NCAM2: variants seen among roughly 807,000 people sequenced by gnomAD.
The protein encoded by NCAM2 is neural cell adhesion molecule 2.
A neutral mutation model predicts 98.1 loss-of-function variants in NCAM2; 30 were observed. The ratio of observed to expected loss-of-function variants is 0.31; its 90% CI spans 0.23 to 0.41. NCAM2 has a LOEUF of 0.41. Among genes scored for constraint, NCAM2 ranks in the 10% least tolerant of loss-of-function variants. The pLI, the probability that NCAM2 is intolerant of heterozygous loss-of-function variation, is 1.00. For missense variants in NCAM2, 867 were observed against 1,005.8 expected, an observed-to-expected ratio of 0.86 and a Z score of 1.87; for synonymous variants, 368 against 342.4, an observed-to-expected ratio of 1.07 and a Z score of -0.83.
In NCAM2 at chr21:21,061,850, A is replaced by G. The variant is rs2065329867; in HGVS notation, c.55+63232A>G. ...TTTTAAAAATTATGTATTCACTTAC[A>G]GTGTTGTGATTTTCAATCACCATAA... On this transcript the variant is annotated intron_variant, in intron 1 of 17. Transcript: ENST00000400546. Among the ~76,000 whole-genome samples, 2 of 152,290 alleles carry G rather than the reference A, an allele frequency of 1.3e-5. 1 individual carries two copies.
intron 2 of NCAM2, among the ~76,000 whole-genome samples, chr21:21,281,292 A>G (rs1001496819): frequency 6.6e-6 from 1 of 152,212 alleles, no homozygotes; most frequent in Non-Finnish European, 1.5e-5. Context: ...ATTAGGATGA[A>G]TATAAAGATT....
intron 16 of NCAM2, among the ~76,000 whole-genome samples, chr21:21,519,010 A>C (rs1410523228): frequency 6.6e-6 from 1 of 152,146 alleles, no homozygotes; most frequent in African/African-American, 2.4e-5. Context: ...ACAACAATCA[A>C]GGGACAGAAC....
At chr21:21,140,246 C>T (rs1252438985) in intron 1 of NCAM2, among the ~76,000 whole-genome samples, 3 of 152,068 alleles carry the variant, frequency 2.0e-5, no homozygotes, top group Non-Finnish European at 2.9e-5. Flanking sequence ...AAATAAGTGA[C>T]ACTGGAAATT....
intron 1 of NCAM2, among the ~76,000 whole-genome samples, chr21:21,203,603 A>G (rs1190423073): frequency 1.3e-5 from 2 of 152,170 alleles, no homozygotes; most frequent in Non-Finnish European, 2.9e-5. Context: ...CACAGAATCT[A>G]TTGCATTTCC....
chr21:21,206,503 T>A (rs1330380574), intron 1 of NCAM2, among the ~76,000 whole-genome samples: 1 of 152,154 alleles, frequency 6.6e-6, no homozygotes, highest in African/African-American at 2.4e-5. Flanking sequence ...TGTTGAAATA[T>A]CATATAGTCT....
At chr21:21,473,373 A>AATATATAT (rs57318222) in intron 14 of NCAM2, among the ~76,000 whole-genome samples, 10,379 of 140,306 alleles carry the variant, frequency 0.074, 438 homozygotes, top group Middle Eastern at 0.12. Context: ...TATATGTATA[A>AATATATAT]ATATATATAT....
chr21:21,491,818 A>G (rs1450146888), intron 15 of NCAM2, among the ~76,000 whole-genome samples: 1 of 151,514 alleles, frequency 6.6e-6, no homozygotes, highest in African/African-American at 2.4e-5. Flanking sequence ...CAAAATGAAA[A>G]TTTTAATGCA....
chr21:21,496,169 T>G (rs551767811), intron 15 of NCAM2, among the ~76,000 whole-genome samples: 2 of 151,942 alleles, frequency 1.3e-5, no homozygotes, highest in Non-Finnish European at 2.9e-5. Context: ...TAGTTCTGTT[T>G]TAAGTTATTT....
chr21:21,181,821 ATTAAT>A (rs1213780314), intron 1 of NCAM2, among the ~76,000 whole-genome samples: 2 of 151,960 alleles, frequency 1.3e-5, no homozygotes, highest in African/African-American at 2.4e-5. Flanking sequence ...CAGATCTTGT[ATTAAT>A]TTATCAGTCT....
At chr21:21,526,477 G>A in intron 16 of NCAM2, among the ~76,000 whole-genome samples, 1 of 152,026 alleles carries the variant, frequency 6.6e-6, no homozygotes, top group East Asian at 1.9e-4. Context: ...GAAAATAAAA[G>A]AAGAATGAAA....
chr21:21,342,217 A>G (rs930746285), intron 8 of NCAM2, among the ~76,000 whole-genome samples: 1 of 152,208 alleles, frequency 6.6e-6, no homozygotes, highest in Admixed American at 6.6e-5. Context: ...GTCTGGTATT[A>G]TTACTGCATA....
intron 7 of NCAM2, among the ~76,000 whole-genome samples, chr21:21,336,660 C>T (rs1242642743): frequency 1.3e-5 from 2 of 152,166 alleles, no homozygotes; most frequent in African/African-American, 2.4e-5. Context: ...GACACGCCCT[C>T]TGCAGACTGG....
Position 21,357,023 on chromosome 21 carries a change from A to AAATAAATAAATG in NCAM2, c.1045-16837_1045-16836insAAATAAATGAAT, listed in dbSNP as rs548233793. Among the ~76,000 whole-genome samples the AAATAAATAAATG allele has an allele frequency of 8.7e-3, 1,269 of 146,694 alleles. 24 individuals are homozygous for AAATAAATAAATG. The highest frequency in any genetic ancestry group is 0.03 in the African/African-American group (1,212 of 40,490). On this transcript the variant is annotated intron_variant, in intron 8 of 17. Transcript: ENST00000400546. ...TAAATAAATAAATAAATAAATAAAT[A>AAATAAATAAATG]AATGTTTCTTGCTTCATGGTCCATG... is the stretch of plus-strand genomic sequence containing the variant.
Position 21,027,321 on chromosome 21 carries a change from G to C in NCAM2, c.55+28703G>C, listed in dbSNP as rs764206613. Among the ~76,000 whole-genome samples, 4 of 152,274 alleles carry C rather than the reference G, an allele frequency of 2.6e-5. No homozygotes were observed. In the East Asian group the frequency reaches 7.7e-4, roughly 29 times the overall value. On this transcript the variant is annotated intron_variant, in intron 1 of 17. Transcript: ENST00000400546. The stretch of plus-strand genomic sequence containing the variant: ...ATTTATTTTAAAACATCTTTGGAGA[G>C]TCAACTGTTTACCAGTCATTATGGT...
chr21:21,082,687 G>T (rs1392535238), intron 1 of NCAM2, among the ~76,000 whole-genome samples: 1 of 152,102 alleles, frequency 6.6e-6, no homozygotes, highest in Non-Finnish European at 1.5e-5. Flanking sequence ...CCAACTGAAG[G>T]TTTTACTGGG....
chr21:21,022,849 C>T (rs2064465209), intron 1 of NCAM2, among the ~76,000 whole-genome samples: 1 of 151,974 alleles, frequency 6.6e-6, no homozygotes, highest in African/African-American at 2.4e-5. Flanking sequence ...TTGTCATAGA[C>T]ATGTAGATCT....
At chr21:21,100,713 A>AAT (rs2066224248) in intron 1 of NCAM2, among the ~76,000 whole-genome samples, 1 of 151,962 alleles carries the variant, frequency 6.6e-6, no homozygotes, top group Non-Finnish European at 1.5e-5. Flanking sequence ...ATTGTGCTTA[A>AAT]ACTGCCCTTT....
At chr21:21,451,986 C>A (rs1230273332) in intron 12 of NCAM2, among the ~76,000 whole-genome samples, 1 of 152,130 alleles carries the variant, frequency 6.6e-6, no homozygotes, top group Non-Finnish European at 1.5e-5. Flanking sequence ...ACAAATGATT[C>A]TCACTTAATT....
At chr21:21,399,699 G>A (rs1328348619) in intron 9 of NCAM2, among the ~76,000 whole-genome samples, 1 of 152,054 alleles carries the variant, frequency 6.6e-6, no homozygotes, top group Admixed American at 6.6e-5. Context: ...TGGAAATTCA[G>A]GTCAAAGACT....
Sources: allele counts gnomAD v4.1 joint callset (sites outside exome capture counted in the v4.1 genomes callset), GRCh38; gene constraint gnomAD v4.1.1; transcripts MANE v1.5; gene names NCBI Gene and HGNC (gene_info 2026-07-23, HGNC 2026-07-21).